Variants in SIAH3 observed in about 807,000 individuals in gnomAD.
SIAH3 encodes the protein seven in absentia homolog 3.
SIAH3 carries 9 observed loss-of-function variants against 12.6 expected under a neutral mutation model. The ratio of observed to expected loss-of-function variants is 0.72; its 90% CI spans 0.43 to 1.25. SIAH3 has a LOEUF of 1.25. SIAH3 is among the 50% of genes most tolerant of loss of function. SIAH3 has a pLI of 0.00. For missense variants in SIAH3, 390 were observed against 365.4 expected (o/e 1.07, Z -0.55); for synonymous variants, 154 against 151.1 (o/e 1.02, Z -0.14).
At chr13:45,793,358 C>A (rs1360305451) in intron 1 of SIAH3, among the ~76,000 whole-genome samples, 1 of 152,182 alleles carries the variant, frequency 6.6e-6, no homozygotes, top group Non-Finnish European at 1.5e-5. Context: ...ATGTCATGAC[C>A]AGGAACTCCA....
chr13:45,844,534 T>C (rs1273194762), intron 1 of SIAH3, among the ~76,000 whole-genome samples: 1 of 152,182 alleles, frequency 6.6e-6, no homozygotes, highest in Non-Finnish European at 1.5e-5. Context: ...GAGCGAGACA[T>C]GCTACTGGCA....
intron 1 of SIAH3, among the ~76,000 whole-genome samples, chr13:45,808,629 TTTG>T (rs1950606152): frequency 1.3e-5 from 2 of 152,324 alleles, no homozygotes; most frequent in South Asian, 2.1e-4. Context: ...TATTGTATAT[TTTG>T]TTATTATTTG....
intron 1 of SIAH3, among the ~76,000 whole-genome samples, chr13:45,806,208 A>C (rs991617847): frequency 6.6e-6 from 1 of 152,206 alleles, no homozygotes; most frequent in Non-Finnish European, 1.5e-5. Context: ...CAGCAATTCC[A>C]TTATGGAGTA....
At chr13:45,826,062 A>G (rs1950673479) in intron 1 of SIAH3, among the ~76,000 whole-genome samples, 1 of 152,190 alleles carries the variant, frequency 6.6e-6, no homozygotes, top group African/African-American at 2.4e-5. Flanking sequence ...GGTTCAGTGC[A>G]TGTTCTTTTC....
chr13:45,784,407 T>G (rs993245812), intron 1 of SIAH3, among the ~76,000 whole-genome samples: 14 of 150,476 alleles, frequency 9.3e-5, no homozygotes, highest in Non-Finnish European at 1.8e-4. Flanking sequence ...TGTTTTTTTT[T>G]TTTTTTTTTT....
chr13:45,824,713 T>G (rs1443761481), intron 1 of SIAH3, among the ~76,000 whole-genome samples: 1 of 152,134 alleles, frequency 6.6e-6, no homozygotes, highest in Non-Finnish European at 1.5e-5. Flanking sequence ...TATAATTTGT[T>G]AAAGCAGCGC....
chr13:45,813,194 G>C (rs1053790482), intron 1 of SIAH3, among the ~76,000 whole-genome samples: 1 of 152,088 alleles, frequency 6.6e-6, no homozygotes, highest in African/African-American at 2.4e-5. Context: ...GTGAGCCTGT[G>C]TCAGTACTGA....
Position 45,779,375 on chromosome 13 carries a change from T to C in SIAH3, c.*4008A>G, listed in dbSNP as rs1278522574. On this transcript the variant is annotated 3_prime_UTR_variant, in exon 2 of 2. Coordinates refer to ENST00000400405, the MANE Select transcript of SIAH3 (RefSeq NM_198849.3). The stretch of plus-strand genomic sequence containing the variant: ...ACAACCAGAATACAAGCAGCTCTAG[T>C]ACTCCACTAGGTCTTGGGTTGAAAA... 3 of 152,144 alleles carry C rather than the reference T, an allele frequency of 2.0e-5. No individual in the cohort carries two copies. Among genetic ancestry groups the C allele is most frequent in the Non-Finnish European group, 4.4e-5 (3 of 68,026 alleles). 9.4% of individuals were successfully genotyped at this position (152,144 alleles called of 1,614,324 possible). A position where few individuals can be genotyped will look rare whatever the true frequency, so the allele number is the denominator to read the frequency against.
rs1347203160 is a variant in SIAH3 at position 45,777,438 on chromosome 13, A to G, written c.*5945T>C. The G allele has an allele frequency of 1.3e-5, 2 of 152,236 alleles. No homozygotes were observed. The highest frequency in any genetic ancestry group is 4.8e-5 in the African/African-American group (2 of 41,460). 9.4% of individuals were successfully genotyped at this position (152,236 alleles called of 1,614,324 possible). ...TTCTTATCTCAATACCCTAAAAAAA[A>G]GACTGAAAAAGGTTGAGGAGTATTT... On this transcript the variant is annotated 3_prime_UTR_variant, in exon 2 of 2. Coordinates refer to ENST00000400405, the MANE Select transcript of SIAH3 (RefSeq NM_198849.3).
chr13:45,790,445 G>A (rs1239271579), intron 1 of SIAH3, among the ~76,000 whole-genome samples: 1 of 152,052 alleles, frequency 6.6e-6, no homozygotes, highest in African/African-American at 2.4e-5. Flanking sequence ...CCAGCCACAA[G>A]GGAAGGAATA....
At chr13:45,785,252 C>T (rs1455653145) in intron 1 of SIAH3, among the ~76,000 whole-genome samples, 4 of 152,140 alleles carry the variant, frequency 2.6e-5, no homozygotes, top group South Asian at 2.1e-4. Flanking sequence ...CTCTGCAGTG[C>T]GCTCCAGGCA....
Position 45,851,561 on chromosome 13 carries a change from C to T in SIAH3, c.69G>A (p.Lys23=). 1 of 1,614,176 alleles carries T rather than the reference C, an allele frequency of 6.2e-7. No individual in the cohort carries two copies. Among genetic ancestry groups the T allele is most frequent in the Non-Finnish European group, 8.5e-7 (1 of 1,180,038 alleles). Reference sequence around the variant, plus strand: ...CGGCAGCGGAGAAAACCCGTTTAGCCTTGTAGTGCTGAAACCGGAGATGAA... The same window carrying T: ...CGGCAGCGGAGAAAACCCGTTTAGCTTTGTAGTGCTGAAACCGGAGATGAA... ...DLIHLRFQHY[K]AKRVFSAAGQ... is the part of the protein sequence containing the mutation. The change falls in exon 1 of 2, where the codon AAG becomes AAA. Residue 23 remains lysine (K), a synonymous_variant. Coordinates refer to ENST00000400405, the MANE Select transcript of SIAH3 (RefSeq NM_198849.3).
intron 1 of SIAH3, among the ~76,000 whole-genome samples, chr13:45,788,265 TA>T (rs1447628820): frequency 6.6e-6 from 1 of 152,242 alleles, no homozygotes; most frequent in Non-Finnish European, 1.5e-5. Flanking sequence ...GGCAAAATGC[TA>T]ATCGTTTCAG....
chr13:45,839,449 G>C (rs996489920), intron 1 of SIAH3, among the ~76,000 whole-genome samples: 4 of 152,166 alleles, frequency 2.6e-5, no homozygotes, highest in African/African-American at 9.7e-5. Flanking sequence ...CATGGTCATA[G>C]AGCACAAACT....
intron 1 of SIAH3, among the ~76,000 whole-genome samples, chr13:45,812,025 C>T (rs1950618069): frequency 6.6e-6 from 1 of 152,218 alleles, no homozygotes; most frequent in Non-Finnish European, 1.5e-5. Context: ...CTCCCCGATG[C>T]ACAACTGTTA....
In SIAH3 at chr13:45,780,550, G is replaced by A. The variant is rs976491525; in HGVS notation, c.*2833C>T. On this transcript the variant is annotated 3_prime_UTR_variant, in exon 2 of 2. Transcript: ENST00000400405. ...CCCAAAGTCCTGGGATTATGGACGT[G>A]AGCCACCATCCCTGGCCTAGTTCTT... The A allele has an allele frequency of 6.6e-6, 1 of 152,064 alleles. No individual in the cohort carries two copies. The highest frequency in any genetic ancestry group is 2.4e-5 in the African/African-American group (1 of 41,362). 9.4% of individuals were successfully genotyped at this position (152,064 alleles called of 1,614,324 possible).
At chr13:45,824,669 A>G (rs1355888348) in intron 1 of SIAH3, among the ~76,000 whole-genome samples, 2 of 148,740 alleles carry the variant, frequency 1.3e-5, no homozygotes. Context: ...ACCTCCAGAC[A>G]CATAGAGCCT....
intron 1 of SIAH3, among the ~76,000 whole-genome samples, chr13:45,805,615 T>C (rs1950596154): frequency 6.6e-6 from 1 of 152,070 alleles, no homozygotes; most frequent in South Asian, 2.1e-4. Context: ...GACCTCAAAC[T>C]ATAAAAATCT....
At chr13:45,794,599 A>G (rs751154462) in intron 1 of SIAH3, among the ~76,000 whole-genome samples, 1 of 152,112 alleles carries the variant, frequency 6.6e-6, no homozygotes, top group Non-Finnish European at 1.5e-5. Flanking sequence ...AATAAGTCTT[A>G]TGAGAGCTGA....
Sources: allele counts gnomAD v4.1 joint callset (sites outside exome capture counted in the v4.1 genomes callset), GRCh38; gene constraint gnomAD v4.1.1; transcripts MANE v1.5; gene names NCBI Gene and HGNC (gene_info 2026-07-23, HGNC 2026-07-21).